MAP7: variants seen among roughly 807,000 people sequenced by gnomAD.
MAP7 encodes the protein ensconsin.
Under a neutral mutation model 94.8 loss-of-function variants are expected in MAP7, and 52 were observed. The ratio of observed to expected loss-of-function variants is 0.55; its 90% CI spans 0.44 to 0.69. The LOEUF is 0.69. Among genes scored for constraint, MAP7 ranks in the 30% least tolerant of loss-of-function variants. The pLI, the probability that MAP7 is intolerant of heterozygous loss-of-function variation, is 0.00. For synonymous variants in MAP7, 350 were observed against 357.0 expected (o/e 0.98, Z 0.22); for missense variants, 940 against 964.6 (o/e 0.97, Z 0.34).
intron 1 of MAP7, among the ~76,000 whole-genome samples, chr6:136,483,228 A>C (rs952323522): frequency 2.0e-4 from 30 of 152,078 alleles, no homozygotes; most frequent in African/African-American, 7.2e-4. Context: ...CTGCAGCAAC[A>C]TGGATGGAGA....
At chr6:136,383,810 A>T (rs1215345763) in intron 5 of MAP7, 29 bp from the exon 6 acceptor site, 1 of 1,336,654 alleles carries the variant, frequency 7.5e-7, no homozygotes, top group Admixed American at 1.7e-5. Context: ...ATGCTAATTG[A>T]CAGCCAACAT....
chr6:136,505,359 G>A lies in MAP7; in HGVS notation c.67+44983C>T, dbSNP rs137979642. On this transcript the variant is annotated intron_variant, in intron 1 of 17. Coordinates refer to ENST00000354570, the MANE Select transcript of MAP7 (RefSeq NM_003980.6). Reference sequence around the variant, plus strand: ...TGCAAGGGTACATATTCTCCCCCTCGGGAGGGAGATAGGGAGAGGAAGGGA... The same window carrying A: ...TGCAAGGGTACATATTCTCCCCCTCAGGAGGGAGATAGGGAGAGGAAGGGA... Among the ~76,000 whole-genome samples the A allele has an allele frequency of 7.5e-4, 107 of 142,552 alleles. No homozygotes were observed. In the East Asian group the frequency reaches 0.011, roughly 15 times the overall value. The allele number at this position is 142,552 out of a possible 152,430, so 93.5% of individuals were successfully genotyped here.
chr6:136,416,145 C>T (rs558268685), intron 2 of MAP7, among the ~76,000 whole-genome samples: 2 of 152,254 alleles, frequency 1.3e-5, no homozygotes, highest in South Asian at 4.1e-4. Context: ...CTCAATTCCT[C>T]GGGCTGTATG....
intron 1 of MAP7, among the ~76,000 whole-genome samples, chr6:136,514,333 C>T (rs1181396865): frequency 1.3e-5 from 2 of 152,010 alleles, no homozygotes; most frequent in Non-Finnish European, 2.9e-5. Flanking sequence ...GCCTGTAATC[C>T]CAGCACGTTG....
intron 1 of MAP7, among the ~76,000 whole-genome samples, chr6:136,459,614 A>G (rs1279533071): frequency 1.3e-5 from 2 of 152,156 alleles, no homozygotes; most frequent in South Asian, 2.1e-4. Context: ...GGATATCTCT[A>G]TTGGACATTA....
At chr6:136,426,001 T>C (rs1485435393) in intron 1 of MAP7, among the ~76,000 whole-genome samples, 1 of 152,186 alleles carries the variant, frequency 6.6e-6, no homozygotes, top group South Asian at 2.1e-4. Flanking sequence ...TCTTGTCCTA[T>C]GTTTCTAGGT....
At position 136,372,979 on chromosome 6, in the gene MAP7, G is replaced by GA. The variant is rs201794973; in HGVS notation, c.752-355dup. On this transcript the variant is annotated intron_variant, in intron 7 of 17. Coordinates refer to ENST00000354570, the MANE Select transcript of MAP7 (RefSeq NM_003980.6). Reference sequence around the variant, plus strand: ...ATATTCCTATTAGCTGATGGTTCTGGAAAAAAAACTACATTAGTGATAAAA... The same window carrying GA: ...ATATTCCTATTAGCTGATGGTTCTGGAAAAAAAAACTACATTAGTGATAAAA... Among the ~76,000 whole-genome samples, 1,448 of 151,744 alleles carry GA rather than the reference G, an allele frequency of 9.5e-3. 5 individuals carry two copies. Among genetic ancestry groups the GA allele is most frequent in the Non-Finnish European group, 0.013 (875 of 67,882 alleles).
At chr6:136,509,399 T>C (rs1822551996) in intron 1 of MAP7, among the ~76,000 whole-genome samples, 1 of 149,764 alleles carries the variant, frequency 6.7e-6, no homozygotes, top group South Asian at 2.1e-4. Flanking sequence ...GAGTAAATTA[T>C]GATGTAGAAG....
At chr6:136,533,328 G>T (rs1000871727) in intron 1 of MAP7, among the ~76,000 whole-genome samples, 4 of 152,122 alleles carry the variant, frequency 2.6e-5, no homozygotes, top group Admixed American at 6.6e-5. Context: ...TCCCCTCAAT[G>T]AGCCAATTTG....
chr6:136,351,506 T>C (rs1789206001), intron 16 of MAP7, among the ~76,000 whole-genome samples: 1 of 152,166 alleles, frequency 6.6e-6, no homozygotes, highest in Non-Finnish European at 1.5e-5. Flanking sequence ...TATCTCCATG[T>C]CCAGATGAGA....
chr6:136,381,913 CACACACAGAG>C (rs1562335020), intron 6 of MAP7, among the ~76,000 whole-genome samples: 1 of 146,036 alleles, frequency 6.8e-6, no homozygotes, highest in African/African-American at 2.6e-5. Flanking sequence ...CACACACACA[CACACACAGAG>C]AGAGAGAGAG....
intron 1 of MAP7, among the ~76,000 whole-genome samples, chr6:136,548,363 C>T (rs1297889687): frequency 6.6e-6 from 1 of 151,974 alleles, no homozygotes; most frequent in Non-Finnish European, 1.5e-5. Flanking sequence ...TTCTTTGGCA[C>T]CTGCTGACAC....
chr6:136,473,963 AAAC>A, intron 1 of MAP7, among the ~76,000 whole-genome samples: 1 of 152,138 alleles, frequency 6.6e-6, no homozygotes, highest in East Asian at 1.9e-4. Flanking sequence ...TATTATGAAA[AAAC>A]AATATTGGGG....
At position 136,550,417 on chromosome 6, in the gene MAP7, G is replaced by C; in HGVS notation, c.-9C>G. 6.6e-7 allele frequency: 1 copy of C among 1,515,802 alleles called. No homozygotes were observed. The highest frequency in any genetic ancestry group is 8.8e-7 in the Non-Finnish European group (1 of 1,138,916). 93.9% of individuals were successfully genotyped at this position (1,515,802 alleles called of 1,614,324 possible). A position where few individuals can be genotyped will look rare whatever the true frequency, so the allele number is the denominator to read the frequency against. On this transcript the variant is annotated 5_prime_UTR_variant, in exon 1 of 18. In the 5' UTR this introduces an upstream ATG that the reference lacks. Coordinates refer to ENST00000354570, the MANE Select transcript of MAP7 (RefSeq NM_003980.6). This position sits in a 1 kb window ranked among gnomAD's most constrained non-coding sequence, Gnocchi z 5.1. ...GCTCCTAGCTCCGCCATGGTGCTCC[G>C]ATGACGCGCCCGGAGAGCCGCTCCG... is the stretch of plus-strand genomic sequence containing the variant.
chr6:136,362,837 C>T, intron 10 of MAP7, 135 bp from the exon 11 acceptor site: 1 of 1,372,142 alleles, frequency 7.3e-7, no homozygotes, highest in Non-Finnish European at 9.7e-7. Flanking sequence ...ACTGTGTGTT[C>T]TCACGGTTTC....
chr6:136,494,885 C>T (rs1444084624), intron 1 of MAP7, among the ~76,000 whole-genome samples: 2 of 152,186 alleles, frequency 1.3e-5, no homozygotes, highest in Non-Finnish European at 2.9e-5. Context: ...CAATACAGAG[C>T]ATGGGTGTCC....
intron 1 of MAP7, among the ~76,000 whole-genome samples, chr6:136,505,088 A>G (rs1031102183): frequency 6.6e-6 from 1 of 151,594 alleles, no homozygotes; most frequent in Non-Finnish European, 1.5e-5. Flanking sequence ...AAACATTGTA[A>G]CTCCCTTTTT....
chr6:136,478,688 T>C (rs903249844), intron 1 of MAP7, among the ~76,000 whole-genome samples: 7 of 151,856 alleles, frequency 4.6e-5, no homozygotes, highest in African/African-American at 1.4e-4. Flanking sequence ...ACCAATAATA[T>C]ACCTAGAAGA....
At chr6:136,371,892 T>G (rs1232867358) in intron 8 of MAP7, among the ~76,000 whole-genome samples, 2 of 152,242 alleles carry the variant, frequency 1.3e-5, no homozygotes, top group Non-Finnish European at 2.9e-5. Flanking sequence ...AAGTACAAAT[T>G]ATATTTTTCA....
Sources: allele counts gnomAD v4.1 joint callset (sites outside exome capture counted in the v4.1 genomes callset), GRCh38; gene constraint gnomAD v4.1.1; non-coding constraint Gnocchi (gnomAD v3.1); transcripts MANE v1.5; gene names NCBI Gene and HGNC (gene_info 2026-07-23, HGNC 2026-07-21).